LOC128092253: variants seen among roughly 807,000 people sequenced by gnomAD.
chr6:133,964,714 C>G, the LOC128092253 span, among the ~76,000 whole-genome samples: 42 of 152,252 alleles, frequency 2.8e-4, no homozygotes, highest in African/African-American at 8.9e-4. Context: ...TCCCAAAGTG[C>G]TGGGATTACA....
chr6:133,966,405 T>C, the LOC128092253 span, among the ~76,000 whole-genome samples: 3 of 152,180 alleles, frequency 2.0e-5, no homozygotes, highest in Non-Finnish European at 4.4e-5. Flanking sequence ...CACTCTGGCT[T>C]AATATTGAGG....
chr6:133,978,985 G>A, the LOC128092253 span, among the ~76,000 whole-genome samples: 1 of 152,158 alleles, frequency 6.6e-6, no homozygotes, highest in Non-Finnish European at 1.5e-5. Context: ...GTGTGAAAAT[G>A]CAAAGAGAGA....
chr6:133,965,132 CTAA>C, the LOC128092253 span, among the ~76,000 whole-genome samples: 1 of 152,120 alleles, frequency 6.6e-6, no homozygotes, highest in Non-Finnish European at 1.5e-5. Context: ...GTAAATGAAA[CTAA>C]TAATCTTTTA....
At chr6:133,953,927 C>T in the LOC128092253 span, among the ~76,000 whole-genome samples, 2 of 152,146 alleles carry the variant, frequency 1.3e-5, no homozygotes, top group Non-Finnish European at 2.9e-5. Flanking sequence ...GCAATGCCGG[C>T]AGCCTCGCTT....
chr6:133,959,188 C>T, the LOC128092253 span, among the ~76,000 whole-genome samples: 2 of 152,062 alleles, frequency 1.3e-5, no homozygotes, highest in African/African-American at 2.4e-5. Context: ...TACAGGCATG[C>T]GCCACCACGC....
At chr6:133,972,791 T>A in the LOC128092253 span, among the ~76,000 whole-genome samples, 9 of 152,228 alleles carry the variant, frequency 5.9e-5, no homozygotes, top group African/African-American at 2.2e-4. Context: ...GGTGAATCCA[T>A]CTGTCAGTAA....
chr6:133,979,044 G>GCAAACAAGCC, the LOC128092253 span, among the ~76,000 whole-genome samples: 3 of 152,126 alleles, frequency 2.0e-5, no homozygotes, highest in Non-Finnish European at 4.4e-5. Context: ...ACTGGGGCTT[G>GCAAACAAGCC]TTTGTTTGTA....
the LOC128092253 span, among the ~76,000 whole-genome samples, chr6:133,962,377 T>C: frequency 6.6e-6 from 1 of 152,192 alleles, no homozygotes; most frequent in Non-Finnish European, 1.5e-5. Context: ...ACATGTGAGC[T>C]GGCCTAAAAT....
At chr6:133,964,664 G>A in the LOC128092253 span, among the ~76,000 whole-genome samples, 1 of 152,076 alleles carries the variant, frequency 6.6e-6, no homozygotes, top group East Asian at 1.9e-4. Flanking sequence ...TAGCCAGGAT[G>A]GTCTCGATCT....
the LOC128092253 span, among the ~76,000 whole-genome samples, chr6:133,967,330 A>C: frequency 6.6e-6 from 1 of 152,264 alleles, no homozygotes; most frequent in East Asian, 1.9e-4. Context: ...AGAATGAATT[A>C]GATTAAGCGG....
chr6:133,958,265 G>A, the LOC128092253 span, among the ~76,000 whole-genome samples: 9 of 152,314 alleles, frequency 5.9e-5, no homozygotes, highest in Middle Eastern at 0.014. Flanking sequence ...AACAGAATTA[G>A]GCTTTCGTTA....
the LOC128092253 span, among the ~76,000 whole-genome samples, chr6:133,975,275 A>G: frequency 6.6e-6 from 1 of 152,160 alleles, no homozygotes; most frequent in Admixed American, 6.5e-5. Flanking sequence ...TAAGACAACC[A>G]TGAAGAATTG....
At chr6:133,962,791 A>T in the LOC128092253 span, among the ~76,000 whole-genome samples, 1 of 152,224 alleles carries the variant, frequency 6.6e-6, no homozygotes, top group Non-Finnish European at 1.5e-5. Flanking sequence ...TGGCCTTCTC[A>T]GGTACAGATT....
At chr6:133,955,808 A>G in the LOC128092253 span, among the ~76,000 whole-genome samples, 3 of 152,244 alleles carry the variant, frequency 2.0e-5, no homozygotes, top group Admixed American at 1.3e-4. Flanking sequence ...TTATTCTTAA[A>G]ATCAATCTTG....
chr6:133,971,721 T>TG, the LOC128092253 span, among the ~76,000 whole-genome samples: 24 of 152,138 alleles, frequency 1.6e-4, no homozygotes, highest in African/African-American at 5.3e-4. Flanking sequence ...TGTTGGCCAT[T>TG]GGTATGTCTT....
At chr6:133,980,043 C>T in the LOC128092253 span, 4 of 1,317,082 alleles carry the variant, frequency 3.0e-6, no homozygotes, top group Non-Finnish European at 3.0e-6. Flanking sequence ...GAATTAACAA[C>T]ATTTAAGTTT....
the LOC128092253 span, among the ~76,000 whole-genome samples, chr6:133,974,218 T>G: frequency 7.9e-5 from 12 of 152,352 alleles, no homozygotes; most frequent in East Asian, 2.3e-3. Flanking sequence ...AAACTCCATT[T>G]AGTAGTCTAT....
chr6:133,960,953 T>G, the LOC128092253 span, among the ~76,000 whole-genome samples: 1 of 152,208 alleles, frequency 6.6e-6, no homozygotes, highest in Admixed American at 6.5e-5. Context: ...AGAAATATAT[T>G]TTTGTATTTG....
the LOC128092253 span, among the ~76,000 whole-genome samples, chr6:133,979,357 T>C: frequency 6.6e-6 from 1 of 152,186 alleles, no homozygotes; most frequent in Non-Finnish European, 1.5e-5. Flanking sequence ...TCATATTTTT[T>C]ATAGTACCAG....
Sources: gnomAD v4.1 joint callset for allele counts (sites outside exome capture counted in the v4.1 genomes callset) on GRCh38, gnomAD v4.1.1 for gene constraint, MANE v1.5 for transcripts.